FCHSD2: variants seen among roughly 807,000 people sequenced by gnomAD.
FCHSD2 encodes the protein FCH and double SH3 domains 2.
In FCHSD2, 38 loss-of-function variants were observed where a neutral mutation model predicts 108.1. The observed-to-expected ratio is 0.35, with a 90% CI of 0.27 to 0.46. The LOEUF (loss-of-function observed/expected upper bound fraction) is 0.46, where lower values mean the gene tolerates loss of function less well. Ranked by LOEUF, FCHSD2 falls within the 20% of genes least tolerant of loss-of-function variation. The pLI, the probability that FCHSD2 is intolerant of heterozygous loss-of-function variation, is 1.00. For missense variants in FCHSD2, 751 were observed against 897.8 expected (o/e 0.84, Z 2.09); for synonymous variants, 279 against 314.7 (o/e 0.89, Z 1.20).
At chr11:73,067,973 T>G (rs968777231) in intron 3 of FCHSD2, among the ~76,000 whole-genome samples, 11 of 152,126 alleles carry the variant, frequency 7.2e-5, no homozygotes, top group African/African-American at 2.7e-4. Context: ...AGCCATGTCT[T>G]ACATGGTGAC....
chr11:72,994,198 G>A (rs1282555516), intron 5 of FCHSD2, among the ~76,000 whole-genome samples: 2 of 152,142 alleles, frequency 1.3e-5, no homozygotes, highest in Non-Finnish European at 2.9e-5. Flanking sequence ...CTTCCCTACT[G>A]GCAAATTGTG....
intron 3 of FCHSD2, among the ~76,000 whole-genome samples, chr11:73,073,734 G>C (rs1041293120): frequency 6.6e-6 from 1 of 151,994 alleles, no homozygotes; most frequent in Non-Finnish European, 1.5e-5. Context: ...TTTCCAGTTG[G>C]CCATAATGCC....
At chr11:73,106,420 A>T (rs889727941) in intron 2 of FCHSD2, among the ~76,000 whole-genome samples, 6 of 151,830 alleles carry the variant, frequency 4.0e-5, no homozygotes, top group Non-Finnish European at 5.9e-5. Flanking sequence ...AAAAAAAAAA[A>T]AAGAAAAAGA....
At chr11:73,007,252 C>T (rs1857760638) in intron 4 of FCHSD2, among the ~76,000 whole-genome samples, 4 of 152,224 alleles carry the variant, frequency 2.6e-5, no homozygotes, top group South Asian at 4.1e-4. Context: ...ATGCTGTGAA[C>T]GATTTCTTTT....
chr11:73,123,706 C>T (rs1481628458), intron 2 of FCHSD2, among the ~76,000 whole-genome samples: 1 of 152,206 alleles, frequency 6.6e-6, no homozygotes, highest in Non-Finnish European at 1.5e-5. Context: ...TCCACCACTT[C>T]AAAACATCAC....
At chr11:72,885,237 T>TGA (rs35372802) in intron 12 of FCHSD2, among the ~76,000 whole-genome samples, 151,772 of 152,240 alleles carry the variant, frequency 1, 75,653 homozygotes, top group Middle Eastern at 1. Flanking sequence ...GGAAACCAAG[T>TGA]GAGATTATTT....
rs538642314 is a variant in FCHSD2, at chr11:72,958,150, T to C, written c.705+25938A>G. On this transcript the variant is annotated intron_variant, in intron 8 of 19. Transcript: ENST00000409418. The stretch of plus-strand genomic sequence containing the variant: ...TCAGCAATAAGTGTTCCCACTATTT[T>C]ACAAAGGGGAAAGATGGCTTGCTTT... Among the ~76,000 whole-genome samples the C allele has an allele frequency of 3.9e-5, 6 of 152,326 alleles. No individual in the cohort carries two copies. The East Asian group carries it at 1.2e-3, about 29-fold the overall frequency.
chr11:72,971,157 A>G (rs887342965), intron 8 of FCHSD2, among the ~76,000 whole-genome samples: 6 of 152,218 alleles, frequency 3.9e-5, no homozygotes, highest in African/African-American at 7.2e-5. Flanking sequence ...GAGTAACACT[A>G]TAAGTAACTG....
At chr11:72,847,750 T>C (rs1458881371) in intron 14 of FCHSD2, among the ~76,000 whole-genome samples, 2 of 145,320 alleles carry the variant, frequency 1.4e-5, no homozygotes, top group African/African-American at 5.1e-5. Context: ...TGGAGCGCAA[T>C]GGTGCGATCT....
chr11:73,036,573 A>C (rs954109350), intron 3 of FCHSD2, among the ~76,000 whole-genome samples: 6 of 152,336 alleles, frequency 3.9e-5, no homozygotes, highest in Middle Eastern at 6.8e-3. Flanking sequence ...CTGATAAATT[A>C]TAATCATGAT....
intron 11 of FCHSD2, among the ~76,000 whole-genome samples, chr11:72,889,098 G>A (rs1180551612): frequency 1.3e-5 from 2 of 152,020 alleles, no homozygotes. Flanking sequence ...GGGACTACAG[G>A]TGCCCGCCAC....
intron 2 of FCHSD2, among the ~76,000 whole-genome samples, chr11:73,131,437 G>A (rs1043978006): frequency 4.0e-5 from 6 of 151,764 alleles, no homozygotes; most frequent in Admixed American, 1.3e-4. Flanking sequence ...GCTGAGGCAG[G>A]AGAATGGCGT....
At chr11:72,841,430 AC>A in intron 18 of FCHSD2, 23 bp downstream of exon 18, 1 of 1,602,544 alleles carries the variant, frequency 6.2e-7, no homozygotes, top group Non-Finnish European at 8.5e-7. Context: ...ATGCATTTAG[AC>A]CCATGCCCAG....
chr11:73,009,683 GT>G (rs1857819868), intron 4 of FCHSD2, among the ~76,000 whole-genome samples: 1 of 151,538 alleles, frequency 6.6e-6, no homozygotes, highest in Non-Finnish European at 1.5e-5. Flanking sequence ...CCCTTGGTTG[GT>G]AGTTTTTTTT....
At chr11:73,127,871 C>T (rs1481955048) in intron 2 of FCHSD2, among the ~76,000 whole-genome samples, 1 of 151,814 alleles carries the variant, frequency 6.6e-6, no homozygotes, top group Non-Finnish European at 1.5e-5. Flanking sequence ...GTGGGAATCA[C>T]CTGAGGTCAA....
At chr11:73,013,243 TCA>T (rs952545866) in intron 4 of FCHSD2, among the ~76,000 whole-genome samples, 1 of 152,154 alleles carries the variant, frequency 6.6e-6, no homozygotes, top group Non-Finnish European at 1.5e-5. Flanking sequence ...TACCTAACAG[TCA>T]CATTTTCTCA....
At chr11:72,890,963 A>C (rs1855302129) in intron 10 of FCHSD2, among the ~76,000 whole-genome samples, 1 of 152,334 alleles carries the variant, frequency 6.6e-6, no homozygotes. Flanking sequence ...GTAGAATGAA[A>C]AGAATTTTAG....
At chr11:73,107,591 C>T (rs1860376248) in intron 2 of FCHSD2, among the ~76,000 whole-genome samples, 2 of 152,184 alleles carry the variant, frequency 1.3e-5, no homozygotes, top group Non-Finnish European at 2.9e-5. Flanking sequence ...CACAAACACA[C>T]ACCCTCACTA....
chr11:73,077,066 T>C (rs1294282100), intron 3 of FCHSD2, among the ~76,000 whole-genome samples: 3 of 133,718 alleles, frequency 2.2e-5, no homozygotes, highest in African/African-American at 8.6e-5. Context: ...GACAAGATTA[T>C]GCCATTGCAC....
Sources: allele counts gnomAD v4.1 joint callset (sites outside exome capture counted in the v4.1 genomes callset), GRCh38; gene constraint gnomAD v4.1.1; transcripts MANE v1.5; gene names NCBI Gene and HGNC (gene_info 2026-07-23, HGNC 2026-07-21).